The following RPS13 variants were observed in gnomAD, a reference collection of about 807,000 sequenced individuals.
RPS13 encodes the protein small ribosomal subunit protein uS15.
RPS13 carries 1 observed loss-of-function variant against 24.6 expected under a neutral mutation model. The ratio of observed to expected loss-of-function variants is 0.04; its 90% CI spans 0.01 to 0.19. The LOEUF is 0.19. Among genes scored for constraint, RPS13 ranks in the 10% least tolerant of loss-of-function variants. The probability of loss-of-function intolerance (pLI) is 1.00; values close to 1 mark genes in which losing one functional copy is unlikely to be tolerated. For synonymous variants in RPS13, 69 were observed against 65.3 expected (o/e 1.06, Z -0.27); for missense variants, 88 against 187.4 (o/e 0.47, Z 3.10).
At chr11:17,076,894 T>C (rs748464207) in intron 3 of RPS13, 20 of 514,192 alleles carry the variant, frequency 3.9e-5, no homozygotes, top group Non-Finnish European at 6.3e-5. Context: ...CTCCTCCACT[T>C]GACAGCTGTG....
rs576065530 is a variant in RPS13 at position 17,074,885 on chromosome 11, T to A, written c.422+212A>T. On this transcript the variant is annotated intron_variant, in intron 5 of 5. Transcript: ENST00000525634. Reference sequence around the variant, plus strand: ...AACTATGGCCCTCTGCTTGTCTTTATTAAAGACAAGCAGCCACACCCATTC... The same window carrying A: ...AACTATGGCCCTCTGCTTGTCTTTAATAAAGACAAGCAGCCACACCCATTC... 24 of 604,312 alleles carry A rather than the reference T, an allele frequency of 4.0e-5. No individual in the cohort carries two copies. In the East Asian group the frequency reaches 6.5e-4, roughly 16 times the overall value. 37.4% of individuals were successfully genotyped at this position (604,312 alleles called of 1,614,324 possible).
chr11:17,074,873 T>C, intron 5 of RPS13: 1 of 605,708 alleles, frequency 1.7e-6, no homozygotes, highest in Non-Finnish European at 2.9e-6. Flanking sequence ...TATGGCCCTC[T>C]GCTTGTCTTT....
In RPS13 at chr11:17,074,926, G is replaced by A. The variant is rs117680795; in HGVS notation, c.422+171C>T. 6.0e-4 allele frequency among the ~76,000 whole-genome samples: 92 copies of A among 152,264 alleles called. 2 individuals carry two copies. The East Asian group carries it at 0.015, about 25-fold the overall frequency. ...ACACCCATTCGATTATGTATTGCCT[G>A]TGGCTGCTTTCCCACTACCAGGCCA... On this transcript the variant is annotated intron_variant, in intron 5 of 5. Transcript: ENST00000525634.
intron 1 of RPS13, 53 bp from the exon 2 acceptor site, chr11:17,077,530 C>T (rs367774666): frequency 1.2e-6 from 2 of 1,613,074 alleles, no homozygotes; most frequent in Non-Finnish European, 1.7e-6. Flanking sequence ...CAGAGCAGCC[C>T]AGAACATCAT....
chr11:17,076,457 G>A (rs1263245968), intron 3 of RPS13: 1 of 330,082 alleles, frequency 3.0e-6, no homozygotes, highest in African/African-American at 2.3e-5. Context: ...TCGGGAGGCT[G>A]AGGCAGGAGA....
intron 4 of RPS13, 125 bp downstream of exon 4, chr11:17,075,329 C>T (rs1327345383): frequency 2.0e-6 from 2 of 990,788 alleles, no homozygotes; most frequent in African/African-American, 1.6e-5. Flanking sequence ...ATTTGAACTT[C>T]AAAGCAGCAC....
chr11:17,077,046 T>C, intron 3 of RPS13, 122 bp downstream of exon 3: 2 of 706,806 alleles, frequency 2.8e-6, no homozygotes, highest in Non-Finnish European at 5.1e-6. Flanking sequence ...CTTACAATGA[T>C]GCCTCTAGCA....
At chr11:17,076,986 A>C (rs1307661206) in intron 3 of RPS13, 182 bp downstream of exon 3, 2 of 596,744 alleles carry the variant, frequency 3.4e-6, no homozygotes, top group Non-Finnish European at 6.0e-6. Context: ...ATGAAGATTT[A>C]TTTCAAAGTA....
chr11:17,076,150 G>A (rs1848022912), intron 3 of RPS13: 1 of 226,274 alleles, frequency 4.4e-6, no homozygotes, highest in South Asian at 4.7e-5. Flanking sequence ...CACTTTGGGA[G>A]GCCGAGGCAG....
chr11:17,077,129 G>C, intron 3 of RPS13, 39 bp downstream of exon 3: 1 of 1,462,358 alleles, frequency 6.8e-7, no homozygotes, highest in Non-Finnish European at 9.6e-7. Flanking sequence ...AGTCACACGA[G>C]GACAGGCGAA....
chr11:17,074,869 C>A (rs1010007385), intron 5 of RPS13: 4 of 610,146 alleles, frequency 6.6e-6, no homozygotes, highest in Non-Finnish European at 1.2e-5. Context: ...CAACTATGGC[C>A]CTCTGCTTGT....
chr11:17,076,675 G>GT (rs1848029945), intron 3 of RPS13: 1 of 334,566 alleles, frequency 3.0e-6, no homozygotes, highest in African/African-American at 2.2e-5. Flanking sequence ...TGCATCCCAA[G>GT]TATCTGGGAC....
intron 3 of RPS13, chr11:17,075,888 A>G (rs748186186): frequency 3.4e-6 from 2 of 584,166 alleles, no homozygotes; most frequent in Admixed American, 4.5e-5. Context: ...AATACAGATG[A>G]CCAAAGGGAT....
At chr11:17,076,868 G>A (rs1848031679) in intron 3 of RPS13, 4 of 487,038 alleles carry the variant, frequency 8.2e-6, no homozygotes, top group African/African-American at 5.8e-5. Context: ...CAGGCACTCT[G>A]CTTAGCCAAT....
chr11:17,077,563 T>C, intron 1 of RPS13, 56 bp downstream of exon 1: 1 of 1,601,506 alleles, frequency 6.2e-7, no homozygotes, highest in African/African-American at 1.4e-5. Context: ...CTGCCCACAC[T>C]CCCTGTCTTC....
Position 17,075,193 on chromosome 11 carries a change from T to G in RPS13, c.326A>C (p.Lys109Thr), listed in dbSNP as rs1431350852. The change falls in exon 5 of 6, where the codon AAG becomes ACG. Residue 109 changes from lysine to threonine, a missense_variant. By Grantham distance (78) the Lys-to-Thr change is moderately conservative (BLOSUM62 -1). Transcript: ENST00000525634. Reference sequence around the variant, plus strand: ...TAGAATCAGACGGAATTTAGCATCCTTATCCTAAAAATAAAATTTGGTGCA... The same window carrying G: ...TAGAATCAGACGGAATTTAGCATCCGTATCCTAAAAATAAAATTTGGTGCA... Reference protein sequence around the residue: ...RKHLERNRKDKDAKFRLILIE... With the variant: ...RKHLERNRKDTDAKFRLILIE... 6.3e-7 allele frequency: 1 copy of G among 1,588,162 alleles called. No individual in the cohort carries two copies. Among genetic ancestry groups the G allele is most frequent in the East Asian group, 2.2e-5 (1 of 44,670 alleles).
At chr11:17,076,898 A>G in intron 3 of RPS13, 1 of 518,170 alleles carries the variant, frequency 1.9e-6, no homozygotes. Flanking sequence ...TCCACTTGAC[A>G]GCTGTGTGAT....
chr11:17,077,404 TC>T, intron 2 of RPS13, 24 bp downstream of exon 2: 1 of 1,599,488 alleles, frequency 6.3e-7, no homozygotes, highest in Non-Finnish European at 8.5e-7. Flanking sequence ...CCCCGGATTC[TC>T]CCCGGTCCCA....
chr11:17,075,315 T>C (rs1848009984), intron 4 of RPS13, 118 bp from the exon 5 acceptor site: 2 of 996,372 alleles, frequency 2.0e-6, no homozygotes, highest in Non-Finnish European at 3.0e-6. Context: ...TCTCTTTGGA[T>C]AGAATTTGAA....
Sources: allele counts gnomAD v4.1 joint callset (sites outside exome capture counted in the v4.1 genomes callset), GRCh38; gene constraint gnomAD v4.1.1; transcripts MANE v1.5; gene names NCBI Gene and HGNC (gene_info 2026-07-23, HGNC 2026-07-21).